Variants in DNMT3A observed in about 807,000 individuals in gnomAD.
DNMT3A encodes the protein DNA methyltransferase 3 alpha, also known as DNA (cytosine-5)-methyltransferase 3A.
In DNMT3A, 267 loss-of-function variants were observed where a neutral mutation model predicts 117.6. The observed-to-expected ratio is 2.27, with a 90% confidence interval of 2.05 to 2.51. The LOEUF is 2.51. Among genes scored for constraint, DNMT3A ranks in the 30% most tolerant of loss-of-function variants. The pLI is 0.00. For synonymous variants in DNMT3A, 432 were observed against 474.8 expected (o/e 0.91, Z 1.17); for missense variants, 1,029 against 1,260.2 (o/e 0.82, Z 2.78).
Position 25,282,561 on chromosome 2 carries a change from G to T in DNMT3A, c.328C>A (p.Gln110Lys). 6.2e-7 allele frequency: 1 copy of T among 1,613,416 alleles called. No individual in the cohort carries two copies. Among genetic ancestry groups the T allele is most frequent in the Non-Finnish European group, 8.5e-7 (1 of 1,179,960 alleles). The part of the protein sequence containing the change: ...QPEEGSPAGG[Q>K]KGGAPAEGEG... ...CCCTCTGCTGGGGCCCCGCCCTTCT[G>T]CCCCCCAGCAGGGCTCCCCTCCTCT... The change falls in exon 4 of 23, where the codon CAG becomes AAG. Residue 110 changes from glutamine (Q) to lysine (K), a missense_variant. Gln to Lys is a moderately conservative substitution (Grantham distance 53, BLOSUM62 1). Transcript: ENST00000321117. The surrounding 1 kb of genome is among the most constrained non-coding windows in gnomAD (Gnocchi z 5.2).
chr2:25,334,197 G>A (rs1212941841), intron 1 of DNMT3A, among the ~76,000 whole-genome samples: 1 of 152,160 alleles, frequency 6.6e-6, no homozygotes, highest in Non-Finnish European at 1.5e-5. Context: ...GGTGGAAGAG[G>A]GTGGTAAGTG....
intron 1 of DNMT3A, among the ~76,000 whole-genome samples, chr2:25,320,391 A>T (rs568258256): frequency 4.9e-4 from 75 of 152,310 alleles, no homozygotes; most frequent in South Asian, 1.0e-3. Flanking sequence ...AGAAGTGATA[A>T]ATGCTGGAGG....
chr2:25,309,889 TA>T (rs972327144), intron 2 of DNMT3A, among the ~76,000 whole-genome samples: 58 of 147,484 alleles, frequency 3.9e-4, no homozygotes, highest in South Asian at 4.3e-4. Flanking sequence ...CCGTCTCTAC[TA>T]AAAAAAAAAA....
chr2:25,246,747 GA>G lies in DNMT3A; in HGVS notation c.1151del (p.Phe384SerfsTer23). ...QVASSRAGKL[F>X]PVCHDSDESD... is the part of the protein sequence containing the mutation. The stretch of plus-strand genomic sequence containing the variant: ...TCTCATCGCTGTCGTGGCACACCGG[GA>G]ACAGCTTCCCCGCGCGGCTGCTGGC... On this transcript the variant is annotated frameshift_variant, in exon 10 of 23. Transcript: ENST00000321117. LOFTEE classifies it high-confidence loss of function. 6.2e-7 allele frequency: 1 copy of G among 1,613,838 alleles called. No homozygotes were observed. The highest frequency in any genetic ancestry group is 8.5e-7 in the Non-Finnish European group (1 of 1,180,012).
chr2:25,285,476 C>T (rs918244138), intron 3 of DNMT3A, among the ~76,000 whole-genome samples: 4 of 152,248 alleles, frequency 2.6e-5, no homozygotes, highest in African/African-American at 9.6e-5. Context: ...AAGCTCCTTT[C>T]CTGCTGTGCG....
At chr2:25,322,832 C>T (rs2034646985) in intron 1 of DNMT3A, among the ~76,000 whole-genome samples, 2 of 152,080 alleles carry the variant, frequency 1.3e-5, no homozygotes, top group Admixed American at 1.3e-4. Context: ...GCCCACAAAC[C>T]TAAATCCTCA....
intron 1 of DNMT3A, among the ~76,000 whole-genome samples, chr2:25,332,723 T>C (rs957162877): frequency 6.6e-6 from 1 of 152,248 alleles, no homozygotes; most frequent in African/African-American, 2.4e-5. Flanking sequence ...CCAGCCCCAC[T>C]GGGCTTCCCA....
chr2:25,243,773 C>T, intron 16 of DNMT3A, 125 bp downstream of exon 16: 1 of 1,090,362 alleles, frequency 9.2e-7, no homozygotes, highest in Non-Finnish European at 1.4e-6. Context: ...CAAGCTTCCC[C>T]TTTGGGATAA....
rs568302872 is a variant in DNMT3A, at chr2:25,305,090, G to A, written c.73-4847C>T. Among the ~76,000 whole-genome samples the A allele has an allele frequency of 6.6e-6, 1 of 152,356 alleles. No homozygotes were observed. The highest frequency in any genetic ancestry group is 2.4e-5 in the African/African-American group (1 of 41,578). On this transcript the variant is annotated intron_variant, in intron 2 of 22. Transcript: ENST00000321117. This position sits in a 1 kb window ranked among gnomAD's most constrained non-coding sequence, Gnocchi z 4.1. ...AATGACTGTCACAGAGTAGGTGCCT[G>A]ACGTGAGTCCATAGACGCAAACAGA...
intron 2 of DNMT3A, among the ~76,000 whole-genome samples, chr2:25,313,499 C>G (rs1161868911): frequency 6.6e-6 from 1 of 152,148 alleles, no homozygotes; most frequent in Non-Finnish European, 1.5e-5. Flanking sequence ...TGTCTTTGGT[C>G]CCCTAGAAGC....
chr2:25,272,709 G>C (rs1477901039), intron 6 of DNMT3A, among the ~76,000 whole-genome samples: 3 of 152,000 alleles, frequency 2.0e-5, no homozygotes, highest in African/African-American at 7.3e-5. Context: ...CCTTTCTCCG[G>C]GCTCTTCCGG....
chr2:25,340,492 C>T (rs988817867), intron 1 of DNMT3A, among the ~76,000 whole-genome samples: 3 of 151,928 alleles, frequency 2.0e-5, no homozygotes, highest in Non-Finnish European at 4.4e-5. Context: ...GGCCCTGGAC[C>T]CGCGCCAGCC....
chr2:25,235,800 GT>G lies in DNMT3A; in HGVS notation c.2503del (p.Thr835ArgfsTer6), dbSNP rs1293842202. On this transcript the variant is annotated frameshift_variant, in exon 22 of 23. Coordinates refer to ENST00000321117, the MANE Select transcript of DNMT3A (RefSeq NM_022552.5). LOFTEE classifies it high-confidence loss of function. ...AKFSKVRTITTRSNSIKQGKD... is the reference protein window; with the variant it reads ...AKFSKVRTITXRSNSIKQGKD... ...GCCCTGCTTTATGGAGTTTGACCTCGTAGTAATGGTCCTCACTTTGCTGAAC... is the reference window on the plus strand; with the variant it reads ...GCCCTGCTTTATGGAGTTTGACCTCGAGTAATGGTCCTCACTTTGCTGAAC... 6.2e-7 allele frequency: 1 copy of G among 1,613,848 alleles called. No homozygotes were observed. Among genetic ancestry groups the G allele is most frequent in the Non-Finnish European group, 8.5e-7 (1 of 1,179,958 alleles).
intron 1 of DNMT3A, among the ~76,000 whole-genome samples, chr2:25,323,567 A>G (rs55841961): frequency 0.037 from 5,582 of 152,318 alleles, 145 homozygotes; most frequent in South Asian, 0.081. Flanking sequence ...TCCACCTCAC[A>G]GCGCTGCTGT....
chr2:25,326,108 A>ATATG (rs1199253757), intron 1 of DNMT3A, among the ~76,000 whole-genome samples: 11 of 142,368 alleles, frequency 7.7e-5, no homozygotes, highest in East Asian at 4.2e-4. Flanking sequence ...CTTGATATAT[A>ATATG]TGTGTGTGTG....
chr2:25,268,501 G>C (rs2030569726), intron 6 of DNMT3A, among the ~76,000 whole-genome samples: 1 of 152,164 alleles, frequency 6.6e-6, no homozygotes, highest in African/African-American at 2.4e-5. Flanking sequence ...TGAAGCGAGA[G>C]GCCCTTCCTA....
intron 1 of DNMT3A, among the ~76,000 whole-genome samples, chr2:25,315,422 GA>G (rs1389544155): frequency 6.6e-6 from 1 of 152,204 alleles, no homozygotes; most frequent in Admixed American, 6.5e-5. Context: ...AGAAAGGCTT[GA>G]AGCGGACCTG....
In DNMT3A at chr2:25,246,707, C is replaced by T. The variant is rs1205641062; in HGVS notation, c.1192G>A (p.Ala398Thr). 2 of 1,613,734 alleles carry T rather than the reference C, an allele frequency of 1.2e-6. No individual in the cohort carries two copies. ...ATGGGCTTGTTCTGCACCTCCACGG[C>T]CTTGGCAGTGTCACTCTCATCGCTG... ...HDSDESDTAK[A>T]VEVQNKPMIE... Residue 398 changes from alanine to threonine, a missense_variant, in exon 10 of 23, where the codon GCC (alanine) becomes ACC (threonine). By Grantham distance (58) the Ala-to-Thr change is moderately conservative. Coordinates refer to ENST00000321117, the MANE Select transcript of DNMT3A (RefSeq NM_022552.5).
intron 3 of DNMT3A, among the ~76,000 whole-genome samples, chr2:25,285,757 C>T (rs2032263478): frequency 6.6e-6 from 1 of 152,232 alleles, no homozygotes; most frequent in Admixed American, 6.5e-5. Context: ...TCCTCCCTCC[C>T]TGCTTAAGCA....
Sources: gnomAD v4.1 joint callset for allele counts (sites outside exome capture counted in the v4.1 genomes callset) on GRCh38, gnomAD v4.1.1 for gene constraint, Gnocchi (gnomAD v3.1) non-coding constraint, MANE v1.5 for transcripts, NCBI Gene and HGNC (gene_info 2026-07-23, HGNC 2026-07-21) for gene names.